Variants in CELSR1 observed in about 807,000 individuals in gnomAD.
The protein encoded by CELSR1 is adhesion G protein-coupled receptor C1.
A neutral mutation model predicts 249.1 loss-of-function variants in CELSR1; 110 were observed. The observed-to-expected ratio is 0.44, with a 90% confidence interval of 0.38 to 0.52. The LOEUF is 0.52. Ranked by LOEUF, CELSR1 falls within the 20% of genes least tolerant of loss-of-function variation. The pLI, the probability that CELSR1 is intolerant of heterozygous loss-of-function variation, is 0.00. For synonymous variants in CELSR1, 2,113 were observed against 1,900.0 expected (o/e 1.11, Z -2.92); for missense variants, 4,109 against 4,296.4 (o/e 0.96, Z 1.22).
Position 46,464,080 on chromosome 22 carries a change from G to T in CELSR1, c.3810C>A (p.Val1270=). 1 of 1,613,792 alleles carries T rather than the reference G, an allele frequency of 6.2e-7. No homozygotes were observed. The part of the protein sequence containing the change: ...VTFSALLPGG[V]RGQFFPSEDL... ...CCTCCGACGGGAAGAACTGGCCGCGGACGCCGCCAGGCAGCAGCGCCGAGA... is the reference window on the plus strand; with the variant it reads ...CCTCCGACGGGAAGAACTGGCCGCGTACGCCGCCAGGCAGCAGCGCCGAGA... Residue 1270 remains valine (V), a synonymous_variant, in exon 2 of 35, where the codon GTC becomes GTA. Coordinates refer to ENST00000674500, the MANE Select transcript of CELSR1 (RefSeq NM_001378328.1). The surrounding 1 kb of genome is among the most constrained non-coding windows in gnomAD (Gnocchi z 8.5).
rs372289122 is a variant in CELSR1 at position 46,395,769 on chromosome 22, C to G, written c.5843+836G>C. On this transcript the variant is annotated intron_variant, in intron 13 of 34. Transcript: ENST00000674500. This position sits in a 1 kb window ranked among gnomAD's most constrained non-coding sequence, Gnocchi z 5.5. The stretch of plus-strand genomic sequence containing the variant: ...CACAGGGGCATCACCTCCACGGCGG[C>G]CTGGAACCTTGGTTTATGAAGAACC... 6.6e-6 allele frequency among the ~76,000 whole-genome samples: 1 copy of G among 152,260 alleles called. No homozygotes were observed. Among genetic ancestry groups the G allele is most frequent in the East Asian group, 1.9e-4 (1 of 5,176 alleles).
At chr22:46,530,382 G>T (rs2080779972) in intron 1 of CELSR1, 2 of 149,486 alleles carry the variant, frequency 1.3e-5, no homozygotes. Context: ...TATATAAATT[G>T]TTTTTCAAAA....
chr22:46,396,532 G>A lies in CELSR1; in HGVS notation c.5843+73C>T, dbSNP rs1391264969. On this transcript the variant is annotated intron_variant, in intron 13 of 34. Coordinates refer to ENST00000674500, the MANE Select transcript of CELSR1 (RefSeq NM_001378328.1). This position sits in a 1 kb window ranked among gnomAD's most constrained non-coding sequence, Gnocchi z 6.4. The stretch of plus-strand genomic sequence containing the variant: ...TATCTTTGGGTCAAAATAAGAAAGA[G>A]AAGACACTGAGTCGAGGGAACACAG... 7 of 1,382,980 alleles carry A rather than the reference G, an allele frequency of 5.1e-6. No homozygotes were observed. Among genetic ancestry groups the A allele is most frequent in the Admixed American group, 2.7e-5 (1 of 36,466 alleles). The allele number at this position is 1,382,980 out of a possible 1,614,324, so 85.7% of individuals were successfully genotyped here.
Position 46,448,539 on chromosome 22 carries a change from AG to A in CELSR1, c.4184-9129del. The A allele has an allele frequency of 2.3e-6, 1 of 438,944 alleles. No individual in the cohort carries two copies. Among genetic ancestry groups the A allele is most frequent in the Non-Finnish European group, 4.5e-6 (1 of 220,922 alleles). The allele number at this position is 438,944 out of a possible 1,614,324, so 27.2% of individuals were successfully genotyped here. A position where few individuals can be genotyped will look rare whatever the true frequency, so the allele number is the denominator to read the frequency against. ...CACTTAAGTTCTTAAATAAATAAAAAGACAATTCCTTTCTGGTCCTAAGAAA... is the reference window on the plus strand; with the variant it reads ...CACTTAAGTTCTTAAATAAATAAAAAACAATTCCTTTCTGGTCCTAAGAAA... On this transcript the variant is annotated intron_variant, in intron 2 of 34. Transcript: ENST00000674500. This position sits in a 1 kb window ranked among gnomAD's most constrained non-coding sequence, Gnocchi z 5.7.
intron 2 of CELSR1, among the ~76,000 whole-genome samples, chr22:46,457,045 G>A (rs1298961295): frequency 6.6e-6 from 1 of 152,206 alleles, no homozygotes; most frequent in Non-Finnish European, 1.5e-5. Context: ...GCCCCAGCTA[G>A]GGAGCACCCG....
intron 1 of CELSR1, among the ~76,000 whole-genome samples, chr22:46,531,928 G>A (rs538586746): frequency 6.8e-6 from 1 of 146,216 alleles, no homozygotes; most frequent in African/African-American, 2.5e-5. Context: ...GTCCACAAAG[G>A]AGCAGAGCCA....
chr22:46,416,835 C>T (rs9615996), intron 5 of CELSR1, among the ~76,000 whole-genome samples: 32,089 of 152,060 alleles, frequency 0.21, 4,065 homozygotes, highest in African/African-American at 0.35. Context: ...CTGGGAGTTT[C>T]TGTGTGCGCA....
intron 1 of CELSR1, chr22:46,481,730 G>A (rs1368424541): frequency 1.2e-5 from 6 of 517,390 alleles, no homozygotes; most frequent in East Asian, 6.9e-5. Flanking sequence ...CGCAGCTGCT[G>A]CAGCTCCCCA....
In CELSR1 at chr22:46,367,088, G is replaced by A; in HGVS notation, c.8110C>T (p.Leu2704Phe). 1 of 1,611,562 alleles carries A rather than the reference G, an allele frequency of 6.2e-7. No individual in the cohort carries two copies. The highest frequency in any genetic ancestry group is 1.3e-5 in the African/African-American group (1 of 75,028). ...GPFVLLFHCV[L>F]NQEVRKHLKG... Reference sequence around the variant, plus strand: ...AGGTGCTTCCGGACCTCCTGGTTGAGCACGCAGTGGAAAAGGAGGACGAAG... The same window carrying A: ...AGGTGCTTCCGGACCTCCTGGTTGAACACGCAGTGGAAAAGGAGGACGAAG... Residue 2704 changes from leucine to phenylalanine, a missense_variant, in exon 29 of 35, where the codon CTC (leucine) becomes TTC (phenylalanine). Physicochemically the swap from Leu to Phe is conservative, Grantham distance 22 (BLOSUM62 0). Coordinates refer to ENST00000674500, the MANE Select transcript of CELSR1 (RefSeq NM_001378328.1).
intron 1 of CELSR1, among the ~76,000 whole-genome samples, chr22:46,522,963 CT>C (rs910847573): frequency 1.3e-5 from 2 of 152,264 alleles, no homozygotes; most frequent in African/African-American, 4.8e-5. Context: ...AGGACAGCCC[CT>C]GGGGCCTTGG....
chr22:46,516,434 A>C (rs2080628871), intron 1 of CELSR1, among the ~76,000 whole-genome samples: 1 of 151,990 alleles, frequency 6.6e-6, no homozygotes, highest in Non-Finnish European at 1.5e-5. Flanking sequence ...AGGAAGGGAA[A>C]CATCACACAC....
chr22:46,516,457 T>C (rs530193311), intron 1 of CELSR1, among the ~76,000 whole-genome samples: 5 of 151,178 alleles, frequency 3.3e-5, no homozygotes, highest in African/African-American at 9.7e-5. Flanking sequence ...GGGCCTGTTG[T>C]GGGGTTGGGG....
chr22:46,411,748 G>A lies in CELSR1; in HGVS notation c.4623C>T (p.Gly1541=). 1.2e-6 allele frequency: 2 copies of A among 1,614,120 alleles called. No homozygotes were observed. The highest frequency in any genetic ancestry group is 2.2e-5 in the East Asian group (1 of 44,882). The change falls in exon 6 of 35, where the codon GGC becomes GGT. Residue 1541 remains glycine, a synonymous_variant. Coordinates refer to ENST00000674500, the MANE Select transcript of CELSR1 (RefSeq NM_001378328.1). The surrounding 1 kb of genome is among the most constrained non-coding windows in gnomAD (Gnocchi z 4.2). ...QVQYYNKPNI[G]HLGLPHGPSG... ...ACGGCCCATGGGGCAGGCCCAGGTG[G>A]CCAATATTGGGCTGTAAGAAGAGAA...
At chr22:46,365,155 ACCCAGCCATAGCCAAGGC>A (rs2078753472) in intron 32 of CELSR1, 58 bp downstream of exon 32, 1 of 1,521,698 alleles carries the variant, frequency 6.6e-7, no homozygotes, top group East Asian at 2.3e-5. Flanking sequence ...GGAGGAAGGG[ACCCAGCCATAGCCAAGGC>A]CTGCCCCGAG....
chr22:46,394,444 C>A (rs2079127358), intron 13 of CELSR1, among the ~76,000 whole-genome samples, 182 bp from the exon 14 acceptor site: 1 of 152,334 alleles, frequency 6.6e-6, no homozygotes. Flanking sequence ...AACCTCACCC[C>A]CCACCCACAG....
In CELSR1 at chr22:46,411,293, C is replaced by G. The variant is rs977306475; in HGVS notation, c.4769+309G>C. On this transcript the variant is annotated intron_variant, in intron 6 of 34. Coordinates refer to ENST00000674500, the MANE Select transcript of CELSR1 (RefSeq NM_001378328.1). This position sits in a 1 kb window ranked among gnomAD's most constrained non-coding sequence, Gnocchi z 4.2. ...TAACAGAGTCCTGGAGTCCCAGGTA[C>G]CAGAATTTGCGGGGACAAAGCCAGT... Among the ~76,000 whole-genome samples the G allele has an allele frequency of 6.6e-6, 1 of 152,180 alleles. No individual in the cohort carries two copies. Among genetic ancestry groups the G allele is most frequent in the Admixed American group, 6.5e-5 (1 of 15,272 alleles).
In CELSR1 at chr22:46,472,168, G is replaced by A. The variant is rs1009084943; in HGVS notation, c.3545-7823C>T. ...GACATGGGAAGGAGACAGAGCAGAC[G>A]GCAGAGCGCGAGGCTGCGGGGCCCT... On this transcript the variant is annotated intron_variant, in intron 1 of 34. Coordinates refer to ENST00000674500, the MANE Select transcript of CELSR1 (RefSeq NM_001378328.1). This position sits in a 1 kb window ranked among gnomAD's most constrained non-coding sequence, Gnocchi z 7.0. Among the ~76,000 whole-genome samples, 6 of 152,214 alleles carry A rather than the reference G, an allele frequency of 3.9e-5. No homozygotes were observed. Among genetic ancestry groups the A allele is most frequent in the Admixed American group, 3.9e-4 (6 of 15,268 alleles).
Position 46,534,344 on chromosome 22 carries a change from T to C in CELSR1, c.2827A>G (p.Ile943Val), listed in dbSNP as rs577890326. ...CGAATCACACCGGACGTGGGCTCGATGTAGAAGTCCCCATCGCCGTCGTCC... is the reference window on the plus strand; with the variant it reads ...CGAATCACACCGGACGTGGGCTCGACGTAGAAGTCCCCATCGCCGTCGTCC... ...GGDDGDGDFY[I>V]EPTSGVIRTQ... is the part of the protein sequence containing the mutation. The change falls in exon 1 of 35, where the codon ATC becomes GTC. Residue 943 changes from isoleucine to valine, a missense_variant. Around this residue, in one of 7 missense-constraint regions of CELSR1, gnomAD observed 886 missense variants for 896.5 expected, o/e 0.99. Transcript: ENST00000674500. This position sits in a 1 kb window ranked among gnomAD's most constrained non-coding sequence, Gnocchi z 9.7. The C allele has an allele frequency of 1.9e-6, 3 of 1,612,972 alleles. No individual in the cohort carries two copies. Among genetic ancestry groups the C allele is most frequent in the African/African-American group, 1.3e-5 (1 of 75,042 alleles).
At chr22:46,525,752 G>A (rs1403249968) in intron 1 of CELSR1, among the ~76,000 whole-genome samples, 1 of 152,226 alleles carries the variant, frequency 6.6e-6, no homozygotes, top group Non-Finnish European at 1.5e-5. Context: ...GCTGCCAGGG[G>A]CCCCAGACCC....
Sources: gnomAD v4.1 joint callset for allele counts (sites outside exome capture counted in the v4.1 genomes callset) on GRCh38, gnomAD v4.1.1 for gene constraint, gnomAD v4.1.1 regional missense constraint, Gnocchi (gnomAD v3.1) non-coding constraint, MANE v1.5 for transcripts, NCBI Gene and HGNC (gene_info 2026-07-23, HGNC 2026-07-21) for gene names.